Variants in CHODL observed in about 807,000 individuals in gnomAD.
CHODL encodes the protein chondrolectin, also known as transmembrane protein MT75.
Under a neutral mutation model 34.5 loss-of-function variants are expected in CHODL, and 29 were observed. That is an observed-to-expected ratio of 0.84 (90% CI 0.63 to 1.15). The LOEUF (loss-of-function observed/expected upper bound fraction) is 1.15. Ranked by LOEUF, CHODL falls within the 50% of genes most tolerant of loss-of-function variation. The probability of loss-of-function intolerance (pLI) is 0.00; values close to 1 mark genes in which losing one functional copy is unlikely to be tolerated. For synonymous variants in CHODL, 125 were observed against 116.1 expected (o/e 1.08, Z -0.49); for missense variants, 332 against 332.5 (o/e 1.00, Z 0.01).
chr21:18,262,753 C>T, intron 4 of CHODL, 38 bp from the exon 5 acceptor site: 2 of 1,181,726 alleles, frequency 1.7e-6, no homozygotes, highest in Non-Finnish European at 1.2e-6. Context: ...AATTCTTCCT[C>T]AACTATCTTT....
intron 1 of CHODL, among the ~76,000 whole-genome samples, chr21:17,953,048 C>A (rs1400749102): frequency 6.6e-6 from 1 of 152,076 alleles, no homozygotes; most frequent in African/African-American, 2.4e-5. Flanking sequence ...TCCCTTGACA[C>A]ATGGGGATTA....
chr21:18,188,321 A>G (rs1045058429), intron 2 of CHODL, among the ~76,000 whole-genome samples: 2 of 152,162 alleles, frequency 1.3e-5, no homozygotes, highest in East Asian at 3.8e-4. Flanking sequence ...TCTCTGACTT[A>G]CACTAGAACT....
chr21:18,244,087 G>A (rs2074107496), upstream of CHODL, among the ~76,000 whole-genome samples: 2 of 152,280 alleles, frequency 1.3e-5, no homozygotes, highest in South Asian at 4.1e-4. Context: ...AAGAGAGCAG[G>A]TCAGGTTATG....
intron 2 of CHODL, among the ~76,000 whole-genome samples, chr21:18,064,491 A>T (rs2064706862): frequency 6.6e-6 from 1 of 152,228 alleles, no homozygotes; most frequent in African/African-American, 2.4e-5. Context: ...GCTGTGTAAA[A>T]GGAATTCCTG....
In CHODL at chr21:18,003,461, A is replaced by G. The variant is rs1032323939; in HGVS notation, c.-144-24411A>G. Among the ~76,000 whole-genome samples, 8 of 151,566 alleles carry G rather than the reference A, an allele frequency of 5.3e-5. No individual in the cohort carries two copies. In the South Asian group the frequency reaches 1.7e-3, roughly 31 times the overall value. On this transcript the variant is annotated intron_variant, in intron 1 of 6. Coordinates refer to the CHODL transcript ENST00000400127. ...ATATTAAAAATGAAAACCAATACTG[A>G]CTGATTGCTTTCTAAGTGATAGGCA...
At chr21:18,167,209 CTCTGTG>C (rs1555878208) in intron 2 of CHODL, among the ~76,000 whole-genome samples, 2,845 of 129,014 alleles carry the variant, frequency 0.022, 37 homozygotes, top group Non-Finnish European at 0.031. Flanking sequence ...ATTTCTCTCT[CTCTGTG>C]TGTGTGTGTG....
intron 1 of CHODL, among the ~76,000 whole-genome samples, chr21:18,003,609 C>T (rs1301496852): frequency 6.6e-6 from 1 of 152,090 alleles, no homozygotes; most frequent in Non-Finnish European, 1.5e-5. Context: ...TTCTTTAATT[C>T]TGCCTTGTGG....
chr21:18,246,354 A>T (rs1455851087), intron 1 of CHODL, among the ~76,000 whole-genome samples: 1 of 152,196 alleles, frequency 6.6e-6, no homozygotes, highest in East Asian at 1.9e-4. Flanking sequence ...AGGTGTCACT[A>T]GATGTAGAAA....
intron 2 of CHODL, among the ~76,000 whole-genome samples, chr21:18,063,132 A>G (rs2064689691): frequency 6.6e-6 from 1 of 152,206 alleles, no homozygotes; most frequent in African/African-American, 2.4e-5. Context: ...TTACAAGAAA[A>G]GTGATAGAGA....
chr21:17,930,902 C>T (rs1377283166), intron 1 of CHODL, among the ~76,000 whole-genome samples: 3 of 152,220 alleles, frequency 2.0e-5, no homozygotes, highest in African/African-American at 7.2e-5. Flanking sequence ...AGATTCCATG[C>T]TGAAGCCATT....
chr21:18,241,647 C>A (rs117560444), upstream of CHODL, among the ~76,000 whole-genome samples: 1 of 152,054 alleles, frequency 6.6e-6, no homozygotes, highest in Non-Finnish European at 1.5e-5. Flanking sequence ...TTCCTTGAGA[C>A]GTATTGATGG....
At chr21:18,073,571 C>A (rs544910988) in intron 2 of CHODL, among the ~76,000 whole-genome samples, 1 of 151,964 alleles carries the variant, frequency 6.6e-6, no homozygotes, top group Non-Finnish European at 1.5e-5. Context: ...AAAATTTCCA[C>A]CTTATCTTTT....
chr21:18,193,729 A>AAAT (rs1422323975), intron 2 of CHODL, among the ~76,000 whole-genome samples: 14 of 149,958 alleles, frequency 9.3e-5, no homozygotes, highest in African/African-American at 1.5e-4. Flanking sequence ...ATAAATAAAT[A>AAAT]AATAAATAAA....
chr21:17,976,010 T>G (rs773859661), intron 1 of CHODL, among the ~76,000 whole-genome samples: 4 of 152,158 alleles, frequency 2.6e-5, no homozygotes, highest in Non-Finnish European at 5.9e-5. Flanking sequence ...CTATATTTTA[T>G]CACCTTAAGT....
chr21:18,235,285 T>A (rs1321663055), intron 2 of CHODL, among the ~76,000 whole-genome samples: 1 of 152,132 alleles, frequency 6.6e-6, no homozygotes, highest in East Asian at 1.9e-4. Flanking sequence ...CATGTTTTTT[T>A]AATAGGACCT....
intron 2 of CHODL, among the ~76,000 whole-genome samples, chr21:18,136,105 C>CAAAAAAAAA (rs67552520): frequency 3.8e-4 from 34 of 89,394 alleles, no homozygotes; most frequent in African/African-American, 5.6e-4. Context: ...GATTATGTCT[C>CAAAAAAAAA]AAAAAAAAAA....
chr21:18,196,529 C>T (rs1466167222), intron 2 of CHODL, among the ~76,000 whole-genome samples: 2 of 151,972 alleles, frequency 1.3e-5, no homozygotes, highest in Admixed American at 6.6e-5. Flanking sequence ...CATTATTTTG[C>T]GGGGAGGCGG....
intron 1 of CHODL, among the ~76,000 whole-genome samples, chr21:17,958,352 A>C (rs961989991): frequency 1.3e-5 from 2 of 152,146 alleles, no homozygotes; most frequent in African/African-American, 4.8e-5. Flanking sequence ...AAAGACAAAC[A>C]CTGGGCACAG....
At chr21:17,974,919 T>TTA (rs886082324) in intron 1 of CHODL, among the ~76,000 whole-genome samples, 35 of 147,948 alleles carry the variant, frequency 2.4e-4, no homozygotes, top group Admixed American at 1.2e-3. Flanking sequence ...AAAATGTACT[T>TTA]TATATATATA....
Sources: allele counts gnomAD v4.1 joint callset (sites outside exome capture counted in the v4.1 genomes callset), GRCh38; gene constraint gnomAD v4.1.1; transcripts MANE v1.5; gene names NCBI Gene and HGNC (gene_info 2026-07-23, HGNC 2026-07-21).